Variants in SRGAP1 observed in about 807,000 individuals in gnomAD.
SRGAP1 encodes SLIT-ROBO Rho GTPase activating protein 1, also known as SLIT-ROBO Rho GTPase-activating protein 1.
In SRGAP1, 43 loss-of-function variants were observed where a neutral mutation model predicts 121.9. The ratio of observed to expected loss-of-function variants is 0.35; its 90% confidence interval spans 0.28 to 0.46. SRGAP1 has a LOEUF of 0.46. SRGAP1 is among the 20% of genes least tolerant of loss of function. The pLI, the probability that SRGAP1 is intolerant of heterozygous loss-of-function variation, is 1.00. For missense variants in SRGAP1, 1,102 were observed against 1,350.9 expected (o/e 0.82, Z 2.89); for synonymous variants, 447 against 485.4 (o/e 0.92, Z 1.04).
intron 4 of SRGAP1, among the ~76,000 whole-genome samples, chr12:64,040,795 A>G (rs932255791): frequency 1.1e-4 from 16 of 152,194 alleles, no homozygotes; most frequent in African/African-American, 3.9e-4. Context: ...TGTCTGAAAT[A>G]CTTTCAGAGA....
At position 64,158,664 on chromosome 12, in the gene SRGAP1, C is replaced by G. The variant is rs1043565130; in HGVS notation, c.*15992C>G. The G allele has an allele frequency of 6.6e-6, 1 of 151,736 alleles. No homozygotes were observed. Among genetic ancestry groups the G allele is most frequent in the Non-Finnish European group, 1.5e-5 (1 of 68,006 alleles). The allele number at this position is 151,736 out of a possible 1,614,324, so 9.4% of individuals were successfully genotyped here. On this transcript the variant is annotated 3_prime_UTR_variant, in exon 22 of 22. Coordinates refer to ENST00000355086, the MANE Select transcript of SRGAP1 (RefSeq NM_020762.4). ...GCGTGCACCTGTAGTCCCAGCTACT[C>G]GGGAGGCTGAGGCAGAAGTATCACT...
chr12:63,908,461 C>G (rs1174831350), intron 1 of SRGAP1, among the ~76,000 whole-genome samples: 1 of 152,160 alleles, frequency 6.6e-6, no homozygotes, highest in African/African-American at 2.4e-5. Flanking sequence ...GAGATCTTGG[C>G]TCACTGCAAC....
chr12:64,098,483 CAACATGG>C (rs2036202025), intron 15 of SRGAP1, among the ~76,000 whole-genome samples: 1 of 151,964 alleles, frequency 6.6e-6, no homozygotes, highest in African/African-American at 2.4e-5. Flanking sequence ...CCAGCCTGGG[CAACATGG>C]CAAAACCCCA....
At chr12:63,945,220 G>A (rs1247568058) in intron 1 of SRGAP1, among the ~76,000 whole-genome samples, 1 of 151,362 alleles carries the variant, frequency 6.6e-6, no homozygotes, top group African/African-American at 2.4e-5. Context: ...TTCTTCTCAG[G>A]GCCAAAGGCT....
intron 15 of SRGAP1, among the ~76,000 whole-genome samples, chr12:64,108,029 C>T (rs2036373216): frequency 2.0e-5 from 3 of 152,168 alleles, no homozygotes; most frequent in Admixed American, 1.3e-4. Context: ...GCCACTTGCC[C>T]AGTTCTCATT....
At chr12:63,940,076 C>G (rs60249053) in intron 1 of SRGAP1, among the ~76,000 whole-genome samples, 1 of 152,138 alleles carries the variant, frequency 6.6e-6, no homozygotes, top group Admixed American at 6.5e-5. Flanking sequence ...ATTCTCCTGC[C>G]TCAGCCTCCC....
intron 1 of SRGAP1, among the ~76,000 whole-genome samples, chr12:63,942,453 G>A (rs1341387372): frequency 6.6e-6 from 1 of 152,148 alleles, no homozygotes; most frequent in Non-Finnish European, 1.5e-5. Context: ...GGTACACTTT[G>A]TTAGGTAGGA....
At chr12:63,978,595 T>C (rs1387849116) in intron 1 of SRGAP1, among the ~76,000 whole-genome samples, 2 of 152,248 alleles carry the variant, frequency 1.3e-5, no homozygotes, top group Admixed American at 1.3e-4. Context: ...TTTTATCTCT[T>C]TATTAGTTGA....
chr12:64,047,315 C>A (rs2035150504), intron 6 of SRGAP1, among the ~76,000 whole-genome samples: 1 of 152,100 alleles, frequency 6.6e-6, no homozygotes, highest in African/African-American at 2.4e-5. Flanking sequence ...TTGTAGGAAT[C>A]CAATTTGCAT....
At chr12:63,892,358 C>G (rs2136297949) in intron 1 of SRGAP1, among the ~76,000 whole-genome samples, 1 of 152,280 alleles carries the variant, frequency 6.6e-6, no homozygotes, top group Non-Finnish European at 1.5e-5. Flanking sequence ...TCATTGTTCA[C>G]ATGGAATCAT....
intron 1 of SRGAP1, among the ~76,000 whole-genome samples, chr12:63,899,595 C>T (rs1466333380): frequency 2.0e-5 from 3 of 152,172 alleles, no homozygotes; most frequent in East Asian, 3.9e-4. Flanking sequence ...GATTGGTTAA[C>T]ACCTCCGCGT....
chr12:64,000,488 C>G (rs570880814), intron 3 of SRGAP1, among the ~76,000 whole-genome samples: 1 of 152,158 alleles, frequency 6.6e-6, no homozygotes, highest in Non-Finnish European at 1.5e-5. Flanking sequence ...CGATGTGCAC[C>G]TCTACTCCCA....
At chr12:64,076,710 G>A (rs551047078) in intron 8 of SRGAP1, among the ~76,000 whole-genome samples, 5 of 151,884 alleles carry the variant, frequency 3.3e-5, no homozygotes, top group Admixed American at 6.6e-5. Flanking sequence ...GCAGTGGCAC[G>A]ATCTCAGCTC....
intron 1 of SRGAP1, among the ~76,000 whole-genome samples, chr12:63,929,919 T>G (rs1408915366): frequency 1.3e-5 from 2 of 152,082 alleles, no homozygotes; most frequent in African/African-American, 4.8e-5. Flanking sequence ...AAGACATTTA[T>G]GCAGGCAACA....
At chr12:63,885,194 G>A (rs1297637349) in intron 1 of SRGAP1, among the ~76,000 whole-genome samples, 1 of 152,096 alleles carries the variant, frequency 6.6e-6, no homozygotes, top group African/African-American at 2.4e-5. Flanking sequence ...AGGAAGTCCA[G>A]GCCTCCAGAA....
At chr12:63,999,055 G>A (rs1170475382) in intron 3 of SRGAP1, among the ~76,000 whole-genome samples, 53 of 152,090 alleles carry the variant, frequency 3.5e-4, no homozygotes, top group Admixed American at 3.5e-3. Context: ...CTTATGACTT[G>A]GAGATGAGGA....
rs150033970 is a variant in SRGAP1, at chr12:64,054,576, T to A, written c.802-8341T>A. ...AGACATGAACTCCTATTAGGAAGAT[T>A]ATGGAGAGATCATGTTAAATGGGTT... On this transcript the variant is annotated intron_variant, in intron 6 of 21. Transcript: ENST00000355086. Among the ~76,000 whole-genome samples the A allele has an allele frequency of 2.0e-3, 305 of 152,264 alleles. 1 individual carries two copies. Among genetic ancestry groups the A allele is most frequent in the African/African-American group, 7.2e-3 (299 of 41,572 alleles).
At chr12:64,131,364 A>G (rs910402890) in intron 21 of SRGAP1, among the ~76,000 whole-genome samples, 1 of 152,226 alleles carries the variant, frequency 6.6e-6, no homozygotes, top group East Asian at 1.9e-4. Flanking sequence ...ACCATTGGCT[A>G]CAGTCCACGA....
At chr12:64,109,503 A>G (rs1413246010) in intron 16 of SRGAP1, among the ~76,000 whole-genome samples, 1 of 152,250 alleles carries the variant, frequency 6.6e-6, no homozygotes, top group Non-Finnish European at 1.5e-5. Flanking sequence ...ATGAGACCTT[A>G]TCAACAAGAA....
Sources: allele counts gnomAD v4.1 joint callset (sites outside exome capture counted in the v4.1 genomes callset), GRCh38; gene constraint gnomAD v4.1.1; transcripts MANE v1.5; gene names NCBI Gene and HGNC (gene_info 2026-07-23, HGNC 2026-07-21).